MYO6: variants seen among roughly 807,000 people sequenced by gnomAD.
MYO6 encodes unconventional myosin-VI.
In MYO6, 74 loss-of-function variants were observed where a neutral mutation model predicts 178.7. The observed-to-expected ratio is 0.41, with a 90% confidence interval of 0.34 to 0.50. MYO6 has a LOEUF of 0.50. Ranked by LOEUF, MYO6 falls within the 20% of genes least tolerant of loss-of-function variation. The probability of loss-of-function intolerance (pLI) is 0.09; values close to 1 mark genes in which losing one functional copy is unlikely to be tolerated. For missense variants in MYO6, 1,330 were observed against 1,547.4 expected (o/e 0.86, Z 2.36); for synonymous variants, 477 against 504.6 (o/e 0.95, Z 0.73).
At chr6:75,789,020 A>G (rs1040607600) in intron 1 of MYO6, among the ~76,000 whole-genome samples, 6 of 152,252 alleles carry the variant, frequency 3.9e-5, no homozygotes, top group African/African-American at 1.2e-4. Flanking sequence ...AACATTATTC[A>G]GTATGCTGCA....
chr6:75,889,734 G>A (rs1308258711), intron 25 of MYO6, among the ~76,000 whole-genome samples: 18 of 152,070 alleles, frequency 1.2e-4, no homozygotes, highest in Non-Finnish European at 4.4e-5. Flanking sequence ...TTTAACTGCA[G>A]TATATTACCT....
In MYO6 at chr6:75,886,923, G is replaced by A; in HGVS notation, c.2587G>A (p.Gly863Arg). The A allele has an allele frequency of 6.2e-7, 1 of 1,613,642 alleles. No individual in the cohort carries two copies. The highest frequency in any genetic ancestry group is 2.2e-5 in the East Asian group (1 of 44,802). Residue 863 changes from glycine to arginine, a missense_variant, in exon 25 of 35, where the codon GGA becomes AGA. Gly to Arg is a moderately radical substitution (Grantham distance 125, BLOSUM62 -2). This residue lies in a region of MYO6 where 601 missense variants were observed against 626.1 expected (regional missense o/e 0.96). Coordinates refer to ENST00000369977, the MANE Select transcript of MYO6 (RefSeq NM_004999.4). ...TGAGGTAGTCAGTGTGTTGAAAGAT[G>A]GAAAACCCGAGATGAATAAACAGAT... ...FNEVVSVLKD[G>R]KPEMNKQIKN...
chr6:75,758,924 C>G (rs1295496838), intron 1 of MYO6, among the ~76,000 whole-genome samples: 1 of 150,994 alleles, frequency 6.6e-6, no homozygotes, highest in African/African-American at 2.4e-5. Flanking sequence ...CGCTGGAGTG[C>G]AGTGGCATGA....
intron 1 of MYO6, among the ~76,000 whole-genome samples, chr6:75,789,472 G>T (rs1257093082): frequency 6.6e-6 from 1 of 151,956 alleles, no homozygotes; most frequent in African/African-American, 2.4e-5. Context: ...GAATTATACC[G>T]TATTATAATT....
intron 26 of MYO6, among the ~76,000 whole-genome samples, chr6:75,890,649 A>G (rs1228251165): frequency 1.3e-5 from 2 of 152,222 alleles, no homozygotes; most frequent in South Asian, 2.1e-4. Flanking sequence ...TCGGTTGACA[A>G]TTCTTAAAAC....
At chr6:75,855,790 G>T (rs1208320498) in intron 12 of MYO6, among the ~76,000 whole-genome samples, 1 of 151,984 alleles carries the variant, frequency 6.6e-6, no homozygotes, top group East Asian at 1.9e-4. Flanking sequence ...TTATACTTTT[G>T]TCTCCATGTC....
At position 75,918,404 on chromosome 6, in the gene MYO6, A is replaced by AC. The variant is rs1781241812; in HGVS notation, c.*3393dup. 2 of 152,254 alleles carry AC rather than the reference A, an allele frequency of 1.3e-5. No individual in the cohort carries two copies. Among genetic ancestry groups the AC allele is most frequent in the South Asian group, 2.1e-4 (1 of 4,832 alleles). The allele number at this position is 152,254 out of a possible 1,614,324, so 9.4% of individuals were successfully genotyped here. On this transcript the variant is annotated 3_prime_UTR_variant, in exon 35 of 35. Coordinates refer to ENST00000369977, the MANE Select transcript of MYO6 (RefSeq NM_004999.4). ...GATTCTGCACCCCCAGTTTGGAAACACTGATACATTTTAGGACACAGAGCA... is the reference window on the plus strand; with the variant it reads ...GATTCTGCACCCCCAGTTTGGAAACACCTGATACATTTTAGGACACAGAGCA...
chr6:75,874,660 C>T (rs1280278315), intron 20 of MYO6, among the ~76,000 whole-genome samples: 2 of 152,186 alleles, frequency 1.3e-5, no homozygotes, highest in Admixed American at 6.5e-5. Context: ...TTATGTTTGT[C>T]ATACTATTCC....
rs1043992507 is a variant in MYO6 at position 75,817,482 on chromosome 6, A to G, written c.-47-19A>G. 1.7e-6 allele frequency: 2 copies of G among 1,205,576 alleles called. No homozygotes were observed. The highest frequency in any genetic ancestry group is 1.5e-5 in the African/African-American group (1 of 67,002). The allele number at this position is 1,205,576 out of a possible 1,614,324, so 74.7% of individuals were successfully genotyped here. On this transcript the variant is annotated intron_variant, in intron 1 of 34. Transcript: ENST00000369977. ...TTTCAAAACTGATTCATGTTGCTGT[A>G]TTTGTTCCTTTGAAACAGGTGACAG... is the stretch of plus-strand genomic sequence containing the variant.
In MYO6 at chr6:75,907,594, A is replaced by G. The variant is rs775759297; in HGVS notation, c.3177-11A>G. 34 of 1,598,180 alleles carry G rather than the reference A, an allele frequency of 2.1e-5. No individual in the cohort carries two copies. The highest frequency in any genetic ancestry group is 2.7e-5 in the Non-Finnish European group (32 of 1,166,114). On this transcript the variant is annotated splice_polypyrimidine_tract_variant and intron_variant, in intron 30 of 34. Coordinates refer to ENST00000369977, the MANE Select transcript of MYO6 (RefSeq NM_004999.4). Reference sequence around the variant, plus strand: ...CTGGTTTAAACATGCAAAAATGTGTAATAATTACAGAGGTCCTGCTGTACT... The same window carrying G: ...CTGGTTTAAACATGCAAAAATGTGTGATAATTACAGAGGTCCTGCTGTACT...
chr6:75,890,584 A>T (rs1316374961), intron 26 of MYO6, among the ~76,000 whole-genome samples: 1 of 152,090 alleles, frequency 6.6e-6, no homozygotes, highest in Non-Finnish European at 1.5e-5. Flanking sequence ...ACCACAGGGG[A>T]TCCACCCGCC....
Position 75,886,846 on chromosome 6 carries a change from T to C in MYO6, c.2510T>C (p.Ile837Thr). ...CTAATGAAGTATTATTTTTACAGCA[T>C]TGATGGTCTGGTTAAGGTGGGCACA... ...WLCKRRHKPRIDGLVKVGTLK... is the reference protein window; with the variant it reads ...WLCKRRHKPRTDGLVKVGTLK... Residue 837 changes from isoleucine (I) to threonine (T), a missense_variant and splice_region_variant, in exon 25 of 35, where the codon ATT becomes ACT. By Grantham distance (89) the Ile-to-Thr change is moderately conservative. Around this residue, in one of 3 missense-constraint regions of MYO6, gnomAD observed 601 missense variants for 626.1 expected, o/e 0.96. Transcript: ENST00000369977. 6.2e-7 allele frequency: 1 copy of C among 1,613,660 alleles called. No individual in the cohort carries two copies. Among genetic ancestry groups the C allele is most frequent in the Non-Finnish European group, 8.5e-7 (1 of 1,179,778 alleles).
chr6:75,790,531 G>A (rs1319885029), intron 1 of MYO6, among the ~76,000 whole-genome samples: 2 of 151,954 alleles, frequency 1.3e-5, no homozygotes, highest in African/African-American at 4.8e-5. Context: ...ACAGGTGTGT[G>A]CCATCACCCC....
At chr6:75,843,167 T>G (rs530534522) in intron 9 of MYO6, among the ~76,000 whole-genome samples, 31 of 152,308 alleles carry the variant, frequency 2.0e-4, no homozygotes, top group South Asian at 1.0e-3. Flanking sequence ...TTTCTGTAGT[T>G]TAGCCCTCTG....
intron 29 of MYO6, among the ~76,000 whole-genome samples, chr6:75,895,523 T>C (rs1779226500): frequency 1.3e-5 from 2 of 151,604 alleles, no homozygotes; most frequent in South Asian, 4.2e-4. Flanking sequence ...TATGAATTTT[T>C]TTTTTTTTTT....
Position 75,915,929 on chromosome 6 carries a change from T to C in MYO6, c.*917T>C, listed in dbSNP as rs543591607. 5 of 152,746 alleles carry C rather than the reference T, an allele frequency of 3.3e-5. No homozygotes were observed. The highest frequency in any genetic ancestry group is 1.2e-4 in the African/African-American group (5 of 41,586). 9.5% of individuals were successfully genotyped at this position (152,746 alleles called of 1,614,324 possible). Reference sequence around the variant, plus strand: ...TTTAGTAAGTGTTCTGCTTCCAACATCTTTCTTTTTAAGAAATTCCTAGTG... The same window carrying C: ...TTTAGTAAGTGTTCTGCTTCCAACACCTTTCTTTTTAAGAAATTCCTAGTG... On this transcript the variant is annotated 3_prime_UTR_variant, in exon 35 of 35. Coordinates refer to ENST00000369977, the MANE Select transcript of MYO6 (RefSeq NM_004999.4).
At chr6:75,877,978 G>A (rs1282669013) in intron 20 of MYO6, among the ~76,000 whole-genome samples, 1 of 152,134 alleles carries the variant, frequency 6.6e-6, no homozygotes, top group Non-Finnish European at 1.5e-5. Context: ...TTTGATACAA[G>A]TGGGCAAAAA....
intron 1 of MYO6, among the ~76,000 whole-genome samples, chr6:75,753,196 G>A (rs1257573145): frequency 6.6e-6 from 1 of 152,106 alleles, no homozygotes; most frequent in Non-Finnish European, 1.5e-5. Context: ...AGGTAGGAAG[G>A]CTGAGTTGGG....
intron 10 of MYO6, among the ~76,000 whole-genome samples, chr6:75,847,056 C>CA (rs1211443117): frequency 6.6e-6 from 1 of 152,080 alleles, no homozygotes; most frequent in Non-Finnish European, 1.5e-5. Flanking sequence ...TAGAAAAATG[C>CA]AGTATTTTTA....
Sources: gnomAD v4.1 joint callset for allele counts (sites outside exome capture counted in the v4.1 genomes callset) on GRCh38, gnomAD v4.1.1 for gene constraint, gnomAD v4.1.1 regional missense constraint, MANE v1.5 for transcripts, NCBI Gene and HGNC (gene_info 2026-07-23, HGNC 2026-07-21) for gene names.